The following GRID2 variants were observed in gnomAD, a reference collection of about 807,000 sequenced individuals.
GRID2 encodes glutamate ionotropic receptor delta type subunit 2, also known as glutamate receptor ionotropic, delta-2.
In GRID2, 33 loss-of-function variants were observed where a neutral mutation model predicts 114.8. The ratio of observed to expected loss-of-function variants is 0.29; its 90% CI spans 0.22 to 0.38. GRID2 has a LOEUF of 0.38. GRID2 is among the 10% of genes least tolerant of loss of function. The probability of loss-of-function intolerance (pLI) is 1.00; values close to 1 mark genes in which losing one functional copy is unlikely to be tolerated. For synonymous variants in GRID2, 505 were observed against 449.9 expected (o/e 1.12, Z -1.55); for missense variants, 1,184 against 1,257.7 (o/e 0.94, Z 0.89).
intron 4 of GRID2, among the ~76,000 whole-genome samples, chr4:93,175,652 A>G (rs930485689): frequency 2.0e-5 from 3 of 152,214 alleles, no homozygotes; most frequent in African/African-American, 7.2e-5. Context: ...CTCAATTTTC[A>G]TACATAAAAC....
intron 1 of GRID2, among the ~76,000 whole-genome samples, chr4:92,385,382 T>G (rs1729896858): frequency 1.3e-5 from 2 of 151,840 alleles, no homozygotes; most frequent in Admixed American, 1.3e-4. Context: ...AATTTTGCAT[T>G]AGATATTTTA....
intron 2 of GRID2, among the ~76,000 whole-genome samples, chr4:92,943,463 T>A (rs1483682986): frequency 5.3e-5 from 8 of 152,202 alleles, no homozygotes; most frequent in Non-Finnish European, 2.9e-5. Flanking sequence ...CATTGGTTAT[T>A]TTATTTAGCC....
At chr4:92,779,786 C>T (rs1317426821) in intron 2 of GRID2, among the ~76,000 whole-genome samples, 1 of 152,080 alleles carries the variant, frequency 6.6e-6, no homozygotes, top group Non-Finnish European at 1.5e-5. Context: ...GGAATAAAGT[C>T]AGGGCTTTGT....
At chr4:92,807,107 G>T (rs1039354715) in intron 2 of GRID2, among the ~76,000 whole-genome samples, 2 of 151,920 alleles carry the variant, frequency 1.3e-5, no homozygotes, top group Non-Finnish European at 1.5e-5. Flanking sequence ...CAAATTTCAG[G>T]TTATATGATC....
At chr4:92,758,739 GGTTT>G (rs937441458) in intron 2 of GRID2, among the ~76,000 whole-genome samples, 3 of 151,950 alleles carry the variant, frequency 2.0e-5, no homozygotes, top group African/African-American at 4.8e-5. Flanking sequence ...TGGCTATGGG[GGTTT>G]GTTTGTTTGT....
intron 1 of GRID2, among the ~76,000 whole-genome samples, chr4:92,491,342 G>C (rs994192387): frequency 6.6e-6 from 1 of 151,962 alleles, no homozygotes; most frequent in African/African-American, 2.4e-5. Flanking sequence ...TAAGAGCTCC[G>C]GTCCTGTTTT....
chr4:92,631,146 A>G (rs1379162670), intron 2 of GRID2, among the ~76,000 whole-genome samples: 1 of 152,160 alleles, frequency 6.6e-6, no homozygotes, highest in Non-Finnish European at 1.5e-5. Context: ...AAAGGCTCTC[A>G]AAGTCAACAT....
intron 2 of GRID2, among the ~76,000 whole-genome samples, chr4:92,941,360 G>A (rs967052883): frequency 1.3e-5 from 2 of 152,122 alleles, no homozygotes; most frequent in Non-Finnish European, 2.9e-5. Flanking sequence ...TTGCATAGAG[G>A]TGTTTATAGT....
intron 8 of GRID2, among the ~76,000 whole-genome samples, chr4:93,381,321 T>G (rs1205357371): frequency 6.6e-6 from 1 of 152,100 alleles, no homozygotes; most frequent in Non-Finnish European, 1.5e-5. Flanking sequence ...AGTGGAATCA[T>G]AAGGTATTTG....
intron 1 of GRID2, among the ~76,000 whole-genome samples, chr4:92,373,143 A>G (rs1040364821): frequency 6.6e-6 from 1 of 152,152 alleles, no homozygotes; most frequent in African/African-American, 2.4e-5. Flanking sequence ...TGCATTGGAT[A>G]ATGTCAGGAA....
chr4:92,568,097 G>T lies in GRID2; in HGVS notation c.89-22034G>T, dbSNP rs539125891. 2.0e-5 allele frequency among the ~76,000 whole-genome samples: 3 copies of T among 152,132 alleles called. No individual in the cohort carries two copies. The South Asian group carries it at 6.2e-4, about 31-fold the overall frequency. ...CTCACTAAGAAGTTGAGCAAGACCT[G>T]AAGCAGTTGAGGAGAAGCTGTGTTT... On this transcript the variant is annotated intron_variant, in intron 1 of 15. Transcript: ENST00000282020.
chr4:93,408,460 T>G (rs1385491777), intron 9 of GRID2, among the ~76,000 whole-genome samples: 1 of 152,034 alleles, frequency 6.6e-6, no homozygotes, highest in Non-Finnish European at 1.5e-5. Context: ...AAGGGCTGAT[T>G]TTAGGTCAAG....
At chr4:92,786,101 G>C (rs112987195) in intron 2 of GRID2, among the ~76,000 whole-genome samples, 1 of 151,796 alleles carries the variant, frequency 6.6e-6, no homozygotes. Context: ...TGAATCTGTT[G>C]TCCTGAACTT....
intron 8 of GRID2, among the ~76,000 whole-genome samples, chr4:93,381,661 C>G (rs1046458606): frequency 6.6e-6 from 1 of 152,032 alleles, no homozygotes; most frequent in African/African-American, 2.4e-5. Flanking sequence ...ACACAAAACT[C>G]TCTCTTTTAC....
chr4:93,278,817 G>C (rs72666964), intron 8 of GRID2, among the ~76,000 whole-genome samples: 4,925 of 150,974 alleles, frequency 0.033, 99 homozygotes, highest in Middle Eastern at 0.095. Context: ...TGGTTTTTGT[G>C]AACAGAAAAA....
intron 8 of GRID2, among the ~76,000 whole-genome samples, chr4:93,324,988 C>A (rs751199671): frequency 9.2e-5 from 14 of 152,080 alleles, no homozygotes; most frequent in Non-Finnish European, 1.9e-4. Flanking sequence ...AAAAAACCAG[C>A]TTCTGGATTC....
chr4:92,460,813 T>TG, intron 1 of GRID2, among the ~76,000 whole-genome samples: 1 of 152,142 alleles, frequency 6.6e-6, no homozygotes, highest in South Asian at 2.1e-4. Flanking sequence ...CTGTTTTTCT[T>TG]TTTCAAAAGA....
chr4:92,909,280 A>G (rs1748193949), intron 2 of GRID2, among the ~76,000 whole-genome samples: 1 of 151,498 alleles, frequency 6.6e-6, no homozygotes. Flanking sequence ...TTTTTTCAAG[A>G]AATGCTTTAG....
At chr4:93,548,559 C>G (rs940195398) in intron 13 of GRID2, among the ~76,000 whole-genome samples, 1 of 152,104 alleles carries the variant, frequency 6.6e-6, no homozygotes, top group African/African-American at 2.4e-5. Flanking sequence ...ATATTTTGAG[C>G]TACTTGAGAA....
Sources: allele counts gnomAD v4.1 joint callset (sites outside exome capture counted in the v4.1 genomes callset), GRCh38; gene constraint gnomAD v4.1.1; transcripts MANE v1.5; gene names NCBI Gene and HGNC (gene_info 2026-07-23, HGNC 2026-07-21).